The following FGGY variants were observed in gnomAD, a reference collection of about 807,000 sequenced individuals.
FGGY encodes the protein FGGY carbohydrate kinase domain containing.
Under a neutral mutation model 71.3 loss-of-function variants are expected in FGGY, and 72 were observed. The observed-to-expected ratio is 1.01, with a 90% CI of 0.84 to 1.23. The LOEUF is 1.23. Ranked by LOEUF, FGGY falls within the 50% of genes most tolerant of loss-of-function variation. FGGY has a pLI of 0.00. For missense variants in FGGY, 668 were observed against 682.3 expected, an observed-to-expected ratio of 0.98 and a Z score of 0.23; for synonymous variants, 251 against 250.3, an observed-to-expected ratio of 1.00 and a Z score of -0.02.
At chr1:59,467,760 G>C (rs991406144) in intron 6 of FGGY, among the ~76,000 whole-genome samples, 12 of 152,096 alleles carry the variant, frequency 7.9e-5, no homozygotes, top group Admixed American at 2.6e-4. Context: ...GGTGTCAGAT[G>C]ACAAAAACAC....
chr1:59,607,746 C>A, intron 8 of FGGY, 57 bp from the exon 9 acceptor site: 1 of 1,350,128 alleles, frequency 7.4e-7, no homozygotes, highest in Non-Finnish European at 1.1e-6. Context: ...AGGAGGAGAA[C>A]CCTTCCCCTA....
intron 6 of FGGY, among the ~76,000 whole-genome samples, chr1:59,460,280 G>T (rs7533447): frequency 5.9e-5 from 9 of 151,908 alleles, no homozygotes; most frequent in African/African-American, 1.7e-4. Context: ...CCCATGCCCA[G>T]GGAGCCTTGC....
At chr1:59,368,791 A>G (rs541321288) in intron 4 of FGGY, among the ~76,000 whole-genome samples, 1 of 152,294 alleles carries the variant, frequency 6.6e-6, no homozygotes, top group African/African-American at 2.4e-5. Flanking sequence ...CAGGTAGCCT[A>G]ATATAAAAAA....
chr1:59,368,199 C>T (rs1306257253), intron 4 of FGGY, among the ~76,000 whole-genome samples: 5 of 152,124 alleles, frequency 3.3e-5, no homozygotes, highest in Non-Finnish European at 5.9e-5. Flanking sequence ...CTCTCTAATC[C>T]GTGCAACATT....
chr1:59,372,436 G>A (rs1365206460), intron 4 of FGGY, among the ~76,000 whole-genome samples: 1 of 152,072 alleles, frequency 6.6e-6, no homozygotes, highest in East Asian at 1.9e-4. Context: ...CAACCAAAAA[G>A]AGTCCAGGAC....
At chr1:59,563,897 A>T (rs1463187854) in intron 8 of FGGY, among the ~76,000 whole-genome samples, 2 of 152,172 alleles carry the variant, frequency 1.3e-5, no homozygotes, top group Non-Finnish European at 2.9e-5. Context: ...CACATCTACA[A>T]CCATCTGATC....
chr1:59,371,169 A>G (rs181390897), intron 4 of FGGY, among the ~76,000 whole-genome samples: 9 of 152,200 alleles, frequency 5.9e-5, no homozygotes, highest in Non-Finnish European at 1.5e-5. Context: ...CCCATCTCAC[A>G]TGCAGAGACA....
intron 8 of FGGY, among the ~76,000 whole-genome samples, chr1:59,562,280 A>G (rs2685540): frequency 0.4 from 60,332 of 152,102 alleles, 14,449 homozygotes; most frequent in African/African-American, 0.66. Flanking sequence ...TCAAGAGAAC[A>G]AAATACTACT....
At chr1:59,384,917 T>C (rs1441453976) in intron 5 of FGGY, among the ~76,000 whole-genome samples, 1 of 152,194 alleles carries the variant, frequency 6.6e-6, no homozygotes, top group African/African-American at 2.4e-5. Flanking sequence ...AACACCAACT[T>C]GGCATCCTCT....
At chr1:59,410,714 C>T (rs1239234194) in intron 5 of FGGY, among the ~76,000 whole-genome samples, 1 of 152,190 alleles carries the variant, frequency 6.6e-6, no homozygotes, top group African/African-American at 2.4e-5. Context: ...GGCTCAGACT[C>T]TGAGGCTCGG....
At chr1:59,536,692 G>C (rs970000265) in intron 7 of FGGY, among the ~76,000 whole-genome samples, 11 of 152,146 alleles carry the variant, frequency 7.2e-5, no homozygotes, top group Admixed American at 6.5e-4. Flanking sequence ...TGCAAGGCTG[G>C]TTCAATATAG....
chr1:59,630,485 T>C (rs1301217178), intron 10 of FGGY, among the ~76,000 whole-genome samples: 1 of 152,174 alleles, frequency 6.6e-6, no homozygotes, highest in Non-Finnish European at 1.5e-5. Context: ...AATGTCTCAA[T>C]GACTACTAGA....
rs2098308991 is a variant in FGGY at position 59,757,994 on chromosome 1, T to C, written c.1574+2T>C. The C allele has an allele frequency of 6.2e-7, 1 of 1,610,312 alleles. No homozygotes were observed. The highest frequency in any genetic ancestry group is 8.5e-7 in the Non-Finnish European group (1 of 1,177,260). On this transcript the variant is annotated splice_donor_variant, in intron 15 of 15. Coordinates refer to ENST00000303721, the MANE Select transcript of FGGY (RefSeq NM_018291.5). LOFTEE classifies it high-confidence loss of function. ...GTTCCCGAGACTACAGGATAAAAAG[T>C]AAGTGTGTATTTTTTATATGTACAG...
At chr1:59,329,165 C>G (rs1194023688) in intron 2 of FGGY, among the ~76,000 whole-genome samples, 2 of 152,148 alleles carry the variant, frequency 1.3e-5, no homozygotes, top group Non-Finnish European at 2.9e-5. Flanking sequence ...TGAGGCATAC[C>G]TCAAACTGCG....
intron 14 of FGGY, among the ~76,000 whole-genome samples, chr1:59,702,442 G>T (rs889907116): frequency 6.6e-6 from 1 of 152,136 alleles, no homozygotes; most frequent in Non-Finnish European, 1.5e-5. Flanking sequence ...TCATCTTATT[G>T]TAGGGATGGC....
In FGGY at chr1:59,589,671, C is replaced by T. The variant is rs560272427; in HGVS notation, c.904-18132C>T. ...CTCAACTACATGGAAACTGAACAACCTGCTCCTGAATGACTACTGGGTACA... is the reference window on the plus strand; with the variant it reads ...CTCAACTACATGGAAACTGAACAACTTGCTCCTGAATGACTACTGGGTACA... On this transcript the variant is annotated intron_variant, in intron 8 of 15. Transcript: ENST00000303721. 2.6e-4 allele frequency among the ~76,000 whole-genome samples: 39 copies of T among 152,062 alleles called. 1 individual carries two copies. Among genetic ancestry groups the T allele is most frequent in the African/African-American group, 9.1e-4 (38 of 41,538 alleles).
At chr1:59,531,092 A>G (rs1335255721) in intron 7 of FGGY, among the ~76,000 whole-genome samples, 2 of 152,200 alleles carry the variant, frequency 1.3e-5, no homozygotes, top group African/African-American at 4.8e-5. Flanking sequence ...CTGAAGCAAG[A>G]GTGCACTGGA....
intron 8 of FGGY, among the ~76,000 whole-genome samples, chr1:59,589,608 A>G (rs1418082477): frequency 1.3e-5 from 2 of 152,244 alleles, no homozygotes; most frequent in Admixed American, 6.5e-5. Context: ...CAGTGCAATC[A>G]AAGTAGAACT....
intron 6 of FGGY, among the ~76,000 whole-genome samples, chr1:59,465,426 A>G (rs1366934184): frequency 1.3e-5 from 2 of 152,234 alleles, no homozygotes; most frequent in African/African-American, 4.8e-5. Context: ...AACTGGAAGC[A>G]TTCCCTTGGA....
Sources: gnomAD v4.1 joint callset for allele counts (sites outside exome capture counted in the v4.1 genomes callset) on GRCh38, gnomAD v4.1.1 for gene constraint, MANE v1.5 for transcripts, NCBI Gene and HGNC (gene_info 2026-07-23, HGNC 2026-07-21) for gene names.